Variants in RANBP17 observed in about 807,000 individuals in gnomAD.
RANBP17 encodes ran-binding protein 17.
A neutral mutation model predicts 141.2 loss-of-function variants in RANBP17; 158 were observed. That is an observed-to-expected ratio of 1.12 (90% CI 0.98 to 1.28). The LOEUF (loss-of-function observed/expected upper bound fraction) is 1.28, where lower values mean the gene tolerates loss of function less well. Ranked by LOEUF, RANBP17 falls within the 50% of genes most tolerant of loss-of-function variation. RANBP17 has a pLI of 0.00. For missense variants in RANBP17, 1,438 were observed against 1,290.7 expected, an observed-to-expected ratio of 1.11 and a Z score of -1.75; for synonymous variants, 430 against 450.0, an observed-to-expected ratio of 0.96 and a Z score of 0.56.
chr5:170,989,509 T>G (rs539379277), intron 14 of RANBP17, among the ~76,000 whole-genome samples: 49 of 151,970 alleles, frequency 3.2e-4, no homozygotes, highest in Non-Finnish European at 5.5e-4. Flanking sequence ...ATCATTTATT[T>G]CATGATTATT....
chr5:171,227,864 C>G (rs1244513903), intron 22 of RANBP17, among the ~76,000 whole-genome samples: 1 of 152,184 alleles, frequency 6.6e-6, no homozygotes, highest in East Asian at 1.9e-4. Flanking sequence ...GCAACAAAGA[C>G]TGGATGACGG....
chr5:170,990,087 A>G lies in RANBP17; in HGVS notation c.1710+21710A>G, dbSNP rs541439801. ...TTGTCTAAGTTTGAATGGTATTGCC[A>G]TTGTTCAGATGATACTTTTAAGCAA... On this transcript the variant is annotated intron_variant, in intron 14 of 27. Coordinates refer to ENST00000523189, the MANE Select transcript of RANBP17 (RefSeq NM_022897.5). Among the ~76,000 whole-genome samples, 4 of 151,976 alleles carry G rather than the reference A, an allele frequency of 2.6e-5. No homozygotes were observed. In the East Asian group the frequency reaches 5.8e-4, roughly 22 times the overall value.
chr5:171,039,245 GTTTTTTT>G (rs57258448), intron 14 of RANBP17, among the ~76,000 whole-genome samples: 1 of 125,426 alleles, frequency 8.0e-6, no homozygotes, highest in Non-Finnish European at 1.7e-5. Context: ...TCTGTTGTTG[GTTTTTTT>G]TTTTTTTTTT....
intron 14 of RANBP17, among the ~76,000 whole-genome samples, chr5:171,143,900 G>A (rs944998903): frequency 6.6e-6 from 1 of 152,146 alleles, no homozygotes; most frequent in Non-Finnish European, 1.5e-5. Context: ...AAAGCCATGC[G>A]AGTATTACAG....
chr5:171,055,451 A>G (rs1292960134), intron 14 of RANBP17, among the ~76,000 whole-genome samples: 1 of 152,198 alleles, frequency 6.6e-6, no homozygotes, highest in Non-Finnish European at 1.5e-5. Flanking sequence ...TTCTCAAAAT[A>G]AGATGTATTC....
intron 12 of RANBP17, among the ~76,000 whole-genome samples, chr5:170,942,688 T>C (rs1774424245): frequency 6.6e-6 from 1 of 152,222 alleles, no homozygotes; most frequent in African/African-American, 2.4e-5. Context: ...TGTGACAGTA[T>C]TGCTAATGCA....
At chr5:171,290,187 T>C (rs1463473234) in intron 25 of RANBP17, among the ~76,000 whole-genome samples, 1 of 151,782 alleles carries the variant, frequency 6.6e-6, no homozygotes, top group Non-Finnish European at 1.5e-5. Context: ...ACCAACATGG[T>C]GAAACCCTGT....
chr5:171,210,242 C>T (rs1292421522), intron 20 of RANBP17, among the ~76,000 whole-genome samples: 1 of 152,056 alleles, frequency 6.6e-6, no homozygotes, highest in Non-Finnish European at 1.5e-5. Flanking sequence ...TGGTTCTCAC[C>T]CTGTAATTGA....
At chr5:171,212,588 A>G (rs1762968602) in intron 20 of RANBP17, among the ~76,000 whole-genome samples, 1 of 152,210 alleles carries the variant, frequency 6.6e-6, no homozygotes, top group African/African-American at 2.4e-5. Context: ...ACGGAGTTTG[A>G]AATTTATTCT....
intron 12 of RANBP17, among the ~76,000 whole-genome samples, chr5:170,944,595 G>A (rs1774603238): frequency 6.6e-6 from 1 of 152,118 alleles, no homozygotes; most frequent in Non-Finnish European, 1.5e-5. Flanking sequence ...ATATTTCACT[G>A]TTCATCTCTA....
intron 25 of RANBP17, among the ~76,000 whole-genome samples, chr5:171,284,971 ATAAAAGCCCTTT>A (rs143957913): frequency 0.13 from 19,790 of 152,122 alleles, 1,496 homozygotes; most frequent in East Asian, 0.21. Flanking sequence ...TCAGCATGGC[ATAAAAGCCCTTT>A]TATAGCCTGG....
At chr5:170,864,846 A>G (rs1000958556) in intron 1 of RANBP17, among the ~76,000 whole-genome samples, 1 of 152,212 alleles carries the variant, frequency 6.6e-6, no homozygotes, top group African/African-American at 2.4e-5. Flanking sequence ...GAGAAAAGGT[A>G]TGTGGGAATG....
At chr5:171,184,992 G>T (rs924855982) in intron 18 of RANBP17, among the ~76,000 whole-genome samples, 2 of 152,054 alleles carry the variant, frequency 1.3e-5, no homozygotes, top group Non-Finnish European at 2.9e-5. Context: ...GTGAAACCCT[G>T]TCTCTACGAA....
intron 14 of RANBP17, among the ~76,000 whole-genome samples, chr5:171,096,305 AAG>A (rs1405244024): frequency 1.3e-5 from 2 of 152,204 alleles, no homozygotes; most frequent in African/African-American, 4.8e-5. Flanking sequence ...CCTTTAAGGA[AAG>A]AGACTGTGTT....
chr5:171,055,769 C>A (rs1168369625), intron 14 of RANBP17, among the ~76,000 whole-genome samples: 1 of 149,280 alleles, frequency 6.7e-6, no homozygotes, highest in Non-Finnish European at 1.5e-5. Flanking sequence ...CCAGTTTTCC[C>A]AAGGGGCTTT....
intron 14 of RANBP17, among the ~76,000 whole-genome samples, chr5:171,081,437 A>G (rs917427012): frequency 6.6e-6 from 1 of 152,198 alleles, no homozygotes; most frequent in Non-Finnish European, 1.5e-5. Context: ...TGTATTCACA[A>G]TCAGCTGCAC....
chr5:170,935,265 G>C (rs1773769123), intron 12 of RANBP17, among the ~76,000 whole-genome samples: 1 of 152,158 alleles, frequency 6.6e-6, no homozygotes, highest in Admixed American at 6.5e-5. Flanking sequence ...CTTTAGCTTG[G>C]TGAAGTTCGT....
intron 14 of RANBP17, among the ~76,000 whole-genome samples, chr5:171,104,524 G>C (rs1183538168): frequency 6.6e-6 from 1 of 152,158 alleles, no homozygotes; most frequent in African/African-American, 2.4e-5. Context: ...ATCAATGGTT[G>C]AGTAACAGTT....
intron 18 of RANBP17, among the ~76,000 whole-genome samples, chr5:171,196,828 CT>C (rs1425663570): frequency 2.0e-5 from 3 of 151,498 alleles, no homozygotes; most frequent in Admixed American, 6.6e-5. Flanking sequence ...ACTTTTTTTT[CT>C]TTTTTTTAAG....
Sources: gnomAD v4.1 joint callset for allele counts (sites outside exome capture counted in the v4.1 genomes callset) on GRCh38, gnomAD v4.1.1 for gene constraint, MANE v1.5 for transcripts, NCBI Gene and HGNC (gene_info 2026-07-23, HGNC 2026-07-21) for gene names.